CNOT1: variants seen among roughly 807,000 people sequenced by gnomAD.
The protein encoded by CNOT1 is CCR4-associated factor 1.
A neutral mutation model predicts 273.8 loss-of-function variants in CNOT1; 15 were observed. That is an observed-to-expected ratio of 0.05 (90% CI 0.04 to 0.08). CNOT1 has a LOEUF of 0.08. Ranked by LOEUF, CNOT1 falls within the 10% of genes least tolerant of loss-of-function variation. The probability of loss-of-function intolerance (pLI) is 1.00; values close to 1 mark genes in which losing one functional copy is unlikely to be tolerated. For missense variants in CNOT1, 1,644 were observed against 2,912.2 expected (o/e 0.56, Z 10.02); for synonymous variants, 1,022 against 1,005.5 (o/e 1.02, Z -0.31).
intron 11 of CNOT1, among the ~76,000 whole-genome samples, 186 bp from the exon 12 acceptor site, chr16:58,580,946 C>G (rs904219514): frequency 6.6e-6 from 1 of 152,126 alleles, no homozygotes; most frequent in African/African-American, 2.4e-5. Context: ...TAATGAAACC[C>G]TGTCTGGATT....
rs772646818 is a variant in CNOT1 at position 58,558,612 on chromosome 16, C to G, written c.2193G>C (p.Gln731His). 2 of 1,613,310 alleles carry G rather than the reference C, an allele frequency of 1.2e-6. No homozygotes were observed. Among genetic ancestry groups the G allele is most frequent in the South Asian group, 1.1e-5 (1 of 90,936 alleles). ...AATTTGGAGGAAAACCCTGCATACT[C>G]TGGGTGTGAGGGGCAGCTGAACCAC... ...SIGGSAAPHT[Q>H]SMQGFPPNLG... Residue 731 changes from glutamine (Q) to histidine (H), a missense_variant, in exon 18 of 49, where the codon CAG becomes CAC. Gln to His is a conservative substitution (Grantham distance 24, BLOSUM62 0). Around this residue, in one of 13 missense-constraint regions of CNOT1, gnomAD observed 706 missense variants for 1,021.2 expected, o/e 0.69. Transcript: ENST00000317147.
At position 58,545,509 on chromosome 16, in the gene CNOT1, A is replaced by C; in HGVS notation, c.4007-18T>G. 3 of 1,612,912 alleles carry C rather than the reference A, an allele frequency of 1.9e-6. No individual in the cohort carries two copies. The highest frequency in any genetic ancestry group is 2.5e-6 in the Non-Finnish European group (3 of 1,179,576). On this transcript the variant is annotated intron_variant, in intron 29 of 48. Coordinates refer to ENST00000317147, the MANE Select transcript of CNOT1 (RefSeq NM_016284.5). ...AGAAGTTGCTAAATGTCAAGTAATA[A>C]AAAGAGATTTAAAAAGTACATTTGT...
At chr16:58,602,290 C>T (rs1177330292) in intron 1 of CNOT1, among the ~76,000 whole-genome samples, 13 of 151,994 alleles carry the variant, frequency 8.6e-5, no homozygotes, top group Non-Finnish European at 1.6e-4. Context: ...AGGCTGGTCT[C>T]GAACTCCCGA....
chr16:58,607,391 A>G (rs1346719226), intron 1 of CNOT1, among the ~76,000 whole-genome samples: 2 of 152,110 alleles, frequency 1.3e-5, no homozygotes, highest in African/African-American at 4.8e-5. Flanking sequence ...ACATATATAT[A>G]GTTGCTTTTT....
intron 16 of CNOT1, among the ~76,000 whole-genome samples, chr16:58,571,376 T>C (rs1332403218): frequency 6.6e-6 from 1 of 151,334 alleles, no homozygotes; most frequent in East Asian, 2.0e-4. Context: ...GGGAACATGG[T>C]GAAACCCCAT....
At chr16:58,620,379 AC>A (rs1053795687) in intron 1 of CNOT1, among the ~76,000 whole-genome samples, 11 of 152,078 alleles carry the variant, frequency 7.2e-5, no homozygotes, top group African/African-American at 2.7e-4. Context: ...GGTGGCTCAA[AC>A]CTGTAATCCC....
rs149955130 is a variant in CNOT1, at chr16:58,543,563, C to A, written c.4434+44G>T. On this transcript the variant is annotated intron_variant, in intron 31 of 48. Coordinates refer to ENST00000317147, the MANE Select transcript of CNOT1 (RefSeq NM_016284.5). ...AAAGAAAAAAATTATTACAGACAAG[C>A]AGTAATACGTTTTGTACCTATACCA... 1.9e-6 allele frequency: 3 copies of A among 1,613,592 alleles called. No individual in the cohort carries two copies. The South Asian group carries it at 3.3e-5, about 18-fold the overall frequency.
At chr16:58,605,388 G>A (rs577637317) in intron 1 of CNOT1, among the ~76,000 whole-genome samples, 39 of 151,176 alleles carry the variant, frequency 2.6e-4, no homozygotes, top group African/African-American at 2.7e-4. Context: ...CTGTAATCCC[G>A]GCTACTCAGG....
intron 12 of CNOT1, 135 bp from the exon 13 acceptor site, chr16:58,579,074 A>C (rs1294575116): frequency 7.0e-7 from 1 of 1,436,890 alleles, no homozygotes; most frequent in Admixed American, 2.6e-5. Flanking sequence ...TTTGAAGTCC[A>C]CAGCACTCTC....
At chr16:58,559,854 A>C in intron 17 of CNOT1, 2 of 540,776 alleles carry the variant, frequency 3.7e-6, no homozygotes, top group Non-Finnish European at 7.2e-6. Flanking sequence ...CCCAGTTATA[A>C]CAAGTCGTTA....
Position 58,582,886 on chromosome 16 carries a change from G to A in CNOT1, c.951C>T (p.Gly317=). Reference sequence around the variant, plus strand: ...CTTTCCCATCACTCCAGATCCCACTGCCCGGAGCAGAAATACTCTGTAGAA... The same window carrying A: ...CTTTCCCATCACTCCAGATCCCACTACCCGGAGCAGAAATACTCTGTAGAA... ...GIPLQSISAP[G]SGIWSDGKDK... The change falls in exon 10 of 49, where the codon GGC becomes GGT. Residue 317 remains glycine (G), a synonymous_variant. Coordinates refer to ENST00000317147, the MANE Select transcript of CNOT1 (RefSeq NM_016284.5). 6.2e-7 allele frequency: 1 copy of A among 1,611,080 alleles called. No homozygotes were observed. Among genetic ancestry groups the A allele is most frequent in the Non-Finnish European group, 8.5e-7 (1 of 1,177,396 alleles).
intron 22 of CNOT1, among the ~76,000 whole-genome samples, chr16:58,552,706 G>A (rs1373947063): frequency 6.6e-6 from 1 of 152,118 alleles, no homozygotes; most frequent in Non-Finnish European, 1.5e-5. Flanking sequence ...TATCAAGTAG[G>A]TTCAAATTCT....
chr16:58,607,225 A>G (rs1382765838), intron 1 of CNOT1, among the ~76,000 whole-genome samples: 3 of 152,204 alleles, frequency 2.0e-5, no homozygotes, highest in African/African-American at 7.2e-5. Context: ...TAACATATGG[A>G]TAGTATTATT....
intron 19 of CNOT1, 145 bp from the exon 20 acceptor site, chr16:58,556,053 G>A: frequency 7.1e-7 from 1 of 1,403,012 alleles, no homozygotes. Context: ...TCAAGTTTCA[G>A]TATTAATGTG....
At position 58,534,363 on chromosome 16, in the gene CNOT1, A is replaced by T; in HGVS notation, c.5679T>A (p.Asp1893Glu). The change falls in exon 40 of 49, where the codon GAT (aspartate) becomes GAA (glutamate). Residue 1893 changes from aspartate to glutamate, a missense_variant. Transcript: ENST00000317147. ...MHQQGILKTD[D>E]LITRFFRLCT... Reference sequence around the variant, plus strand: ...ACAGACGAAAGAACCTTGTTATGAGATCATCGGTCTTCAGTATTCCTTGCT... The same window carrying T: ...ACAGACGAAAGAACCTTGTTATGAGTTCATCGGTCTTCAGTATTCCTTGCT... The T allele has an allele frequency of 6.2e-7, 1 of 1,614,152 alleles. No individual in the cohort carries two copies.
intron 13 of CNOT1, among the ~76,000 whole-genome samples, chr16:58,576,880 T>A (rs2151968146): frequency 6.6e-6 from 1 of 152,348 alleles, no homozygotes; most frequent in South Asian, 2.1e-4. Context: ...GTGAACTAGA[T>A]TATGTGAACA....
intron 44 of CNOT1, chr16:58,527,933 T>C (rs925352244): frequency 7.7e-6 from 2 of 259,230 alleles, no homozygotes; most frequent in Non-Finnish European, 1.5e-5. Flanking sequence ...CTGGCTGACA[T>C]GGCGAAACCC....
chr16:58,621,375 G>T (rs535246420), intron 1 of CNOT1, among the ~76,000 whole-genome samples: 1 of 152,192 alleles, frequency 6.6e-6, no homozygotes, highest in African/African-American at 2.4e-5. Flanking sequence ...CCAGGGTCCA[G>T]CGATTCTCCT....
At chr16:58,560,504 T>C in intron 16 of CNOT1, 142 bp from the exon 17 acceptor site, 7 of 1,393,098 alleles carry the variant, frequency 5.0e-6, no homozygotes, top group African/African-American at 2.9e-5. Context: ...ACGATATCAA[T>C]TCACTGCAAC....
Sources: allele counts gnomAD v4.1 joint callset (sites outside exome capture counted in the v4.1 genomes callset), GRCh38; gene constraint gnomAD v4.1.1; regional missense constraint gnomAD v4.1.1; transcripts MANE v1.5; gene names NCBI Gene and HGNC (gene_info 2026-07-23, HGNC 2026-07-21).